The following RIBC2 variants were observed in gnomAD, a reference collection of about 807,000 sequenced individuals.
RIBC2 encodes the protein RIB43A-like with coiled-coils protein 2.
A neutral mutation model predicts 44.3 loss-of-function variants in RIBC2; 40 were observed. That is an observed-to-expected ratio of 0.90 (90% CI 0.70 to 1.18). The LOEUF is 1.18. RIBC2 is among the 50% of genes most tolerant of loss of function. The pLI is 0.00. For missense variants in RIBC2, 459 were observed against 485.5 expected, an observed-to-expected ratio of 0.95 and a Z score of 0.51; for synonymous variants, 171 against 175.0, an observed-to-expected ratio of 0.98 and a Z score of 0.18.
chr22:45,414,119 G>A, intron 1 of RIBC2, 104 bp downstream of exon 1: 1 of 1,497,518 alleles, frequency 6.7e-7, no homozygotes, highest in Non-Finnish European at 8.9e-7. Context: ...TCTGAGCCAG[G>A]AGGCAGCAAA....
At chr22:45,431,834 A>G (rs912298258) in intron 6 of RIBC2, among the ~76,000 whole-genome samples, 1 of 152,174 alleles carries the variant, frequency 6.6e-6, no homozygotes, top group African/African-American at 2.4e-5. Context: ...TTAGCCAGGC[A>G]TGGTGGCACA....
rs776961958 is a variant in RIBC2, at chr22:45,417,661, G to A, written c.271G>A (p.Asp91Asn). ...CATATTGGAAAACCGGAAAAAGAGG[G>A]ATAGGAAAAATCTCTGTAGGGCTAT... ...MCILENRKKR[D>N]RKNLCRAIND... Residue 91 changes from aspartate (D) to asparagine (N), a missense_variant, in exon 3 of 7, where the codon GAT (aspartate) becomes AAT (asparagine). Asp to Asn is a conservative substitution (Grantham distance 23). Transcript: ENST00000614167. 1 of 1,614,078 alleles carries A rather than the reference G, an allele frequency of 6.2e-7. No individual in the cohort carries two copies. Among genetic ancestry groups the A allele is most frequent in the Non-Finnish European group, 8.5e-7 (1 of 1,180,004 alleles).
intron 3 of RIBC2, among the ~76,000 whole-genome samples, chr22:45,421,553 A>C (rs1367691134): frequency 5.7e-5 from 2 of 35,000 alleles, no homozygotes; most frequent in African/African-American, 3.4e-4. Context: ...ATTAATAATA[A>C]TAATAGTATT....
Position 45,413,944 on chromosome 22 carries a change from C to G in RIBC2, c.58C>G (p.Leu20Val), listed in dbSNP as rs1040955481. Residue 20 changes from leucine to valine, a missense_variant, in exon 1 of 7, where the codon CTG becomes GTG. Leu to Val is a conservative substitution (Grantham distance 32). Transcript: ENST00000614167. ...CAGGGACTTGCGGCAGGACGCCAAC[C>G]TGGCAAAGAGGAGGCACGCGGAGCT... is the stretch of plus-strand genomic sequence containing the variant. ...LPRDLRQDAN[L>V]AKRRHAELCR... The G allele has an allele frequency of 1.7e-5, 27 of 1,551,584 alleles. No homozygotes were observed. The African/African-American group carries it at 1.8e-4, about 10-fold the overall frequency.
At position 45,431,181 on chromosome 22, in the gene RIBC2, T is replaced by A. The variant is rs1020823597; in HGVS notation, c.1070+115T>A. 8.9e-6 allele frequency: 11 copies of A among 1,233,604 alleles called. No homozygotes were observed. The East Asian group carries it at 2.6e-4, about 29-fold the overall frequency. 76.4% of individuals were successfully genotyped at this position (1,233,604 alleles called of 1,614,324 possible). A position where few individuals can be genotyped will look rare whatever the true frequency, so the allele number is the denominator to read the frequency against. ...GGGAAACACCCCGCCCTGGTGGTCC[T>A]CATCTGGACACTGTGGACCTCAAGT... is the stretch of plus-strand genomic sequence containing the variant. On this transcript the variant is annotated intron_variant, in intron 6 of 6. Transcript: ENST00000614167.
At chr22:45,427,420 C>T (rs893708034) in intron 5 of RIBC2, among the ~76,000 whole-genome samples, 2 of 152,210 alleles carry the variant, frequency 1.3e-5, no homozygotes, top group Non-Finnish European at 2.9e-5. Context: ...CAAGGTTGCC[C>T]CTAACTCTAA....
At chr22:45,416,144 T>G (rs1161663541) in intron 2 of RIBC2, among the ~76,000 whole-genome samples, 1 of 152,256 alleles carries the variant, frequency 6.6e-6, no homozygotes, top group Non-Finnish European at 1.5e-5. Flanking sequence ...CAGGCTTGTA[T>G]TTTTGAAATT....
intron 2 of RIBC2, among the ~76,000 whole-genome samples, chr22:45,416,612 C>T (rs2087427493): frequency 6.6e-6 from 1 of 152,070 alleles, no homozygotes; most frequent in East Asian, 1.9e-4. Flanking sequence ...TAGGCACGTG[C>T]CACCAAGCCC....
chr22:45,430,572 A>T (rs1017177338), intron 5 of RIBC2, among the ~76,000 whole-genome samples: 4 of 152,158 alleles, frequency 2.6e-5, no homozygotes, highest in South Asian at 4.1e-4. Context: ...GGACCTGAGA[A>T]GGAAGACTCT....
At chr22:45,426,248 T>G in intron 5 of RIBC2, 73 bp downstream of exon 5, 1 of 1,341,390 alleles carries the variant, frequency 7.5e-7, no homozygotes, top group Non-Finnish European at 1.0e-6. Context: ...CAGGCACAAA[T>G]GTAGTTGTAG....
At chr22:45,419,776 C>T (rs367646368) in intron 3 of RIBC2, among the ~76,000 whole-genome samples, 1 of 152,022 alleles carries the variant, frequency 6.6e-6, no homozygotes, top group Admixed American at 6.6e-5. Context: ...CCTGTAATCC[C>T]AGCACTTTGG....
rs5765337 is a variant in RIBC2, at chr22:45,421,499, T to A, written c.557-791T>A. Among the ~76,000 whole-genome samples the A allele has an allele frequency of 4.4e-3, 156 of 35,084 alleles. 5 individuals are homozygous for A. The highest frequency in any genetic ancestry group is 0.034 in the African/African-American group (72 of 2,126). 23.0% of individuals were successfully genotyped at this position (35,084 alleles called of 152,430 possible). On this transcript the variant is annotated intron_variant, in intron 3 of 6. Transcript: ENST00000614167. The stretch of plus-strand genomic sequence containing the variant: ...TTGGATGTCTAATTAATTATTATTA[T>A]TAATAATAGTATTATTAATAATAAT...
At chr22:45,421,430 C>G (rs2087477059) in intron 3 of RIBC2, among the ~76,000 whole-genome samples, 1 of 146,786 alleles carries the variant, frequency 6.8e-6, no homozygotes, top group Admixed American at 6.9e-5. Flanking sequence ...TCCCTGAATC[C>G]AGACTCATAA....
At chr22:45,418,425 G>A (rs2087447186) in intron 3 of RIBC2, among the ~76,000 whole-genome samples, 1 of 152,080 alleles carries the variant, frequency 6.6e-6, no homozygotes, top group Admixed American at 6.6e-5. Context: ...GGAACCTCTT[G>A]GGCAAAGGCT....
At chr22:45,421,637 A>G (rs1262413780) in intron 3 of RIBC2, among the ~76,000 whole-genome samples, 1 of 150,502 alleles carries the variant, frequency 6.6e-6, no homozygotes, top group Non-Finnish European at 1.5e-5. Context: ...CAAAGGAGGT[A>G]TGTCCTGCTT....
rs1475186980 is a variant in RIBC2, at chr22:45,414,506, T to A, written c.211+103T>A. 1.2e-5 allele frequency: 9 copies of A among 720,316 alleles called. No individual in the cohort carries two copies. In the East Asian group the frequency reaches 2.4e-4, roughly 20 times the overall value. 44.6% of individuals were successfully genotyped at this position (720,316 alleles called of 1,614,324 possible). On this transcript the variant is annotated intron_variant, in intron 2 of 6. Transcript: ENST00000614167. The stretch of plus-strand genomic sequence containing the variant: ...GCCCCGCCTTTTTTTTTTTATTTTT[T>A]ATTTTTTTTATTTAATAGAGATAGG...
At position 45,414,397 on chromosome 22, in the gene RIBC2, ACCT is replaced by A; in HGVS notation, c.206_208del (p.Thr69_Phe70delinsIle). On this transcript the variant is annotated inframe_deletion, in exon 2 of 7. Transcript: ENST00000614167. The stretch of plus-strand genomic sequence containing the variant: ...AGCTACTGAAAAAGCTAGACATGAA[ACCT>A]TTGGTGAGCATTTCCTGAATGCTTA... 1 of 1,548,210 alleles carries A rather than the reference ACCT, an allele frequency of 6.5e-7. No individual in the cohort carries two copies. The highest frequency in any genetic ancestry group is 8.7e-7 in the Non-Finnish European group (1 of 1,144,510).
At position 45,417,861 on chromosome 22, in the gene RIBC2, GA is replaced by G; in HGVS notation, c.474del (p.Lys158AsnfsTer61). 6.2e-7 allele frequency: 1 copy of G among 1,614,070 alleles called. No homozygotes were observed. The highest frequency in any genetic ancestry group is 1.3e-5 in the African/African-American group (1 of 75,028). On this transcript the variant is annotated frameshift_variant, in exon 3 of 7. Transcript: ENST00000614167. LOFTEE classifies it high-confidence loss of function. ...GEDLNFHERK[K>X]FQEEQNREWS... ...AGGATTTAAACTTCCATGAGAGGAA[GA>G]AATTCCAAGAGGAACAAAACAGAGA...
intron 5 of RIBC2, among the ~76,000 whole-genome samples, chr22:45,429,647 T>G (rs2087562074): frequency 6.6e-6 from 1 of 151,826 alleles, no homozygotes; most frequent in Non-Finnish European, 1.5e-5. Flanking sequence ...GGGCGTGAAG[T>G]TCAGGAAGTA....
Sources: gnomAD v4.1 joint callset for allele counts (sites outside exome capture counted in the v4.1 genomes callset) on GRCh38, gnomAD v4.1.1 for gene constraint, MANE v1.5 for transcripts, NCBI Gene and HGNC (gene_info 2026-07-23, HGNC 2026-07-21) for gene names.